ABLIM1: variants seen among roughly 807,000 people sequenced by gnomAD.
The protein encoded by ABLIM1 is actin binding LIM protein 1, also known as actin-binding LIM protein 1.
ABLIM1 carries 40 observed loss-of-function variants against 107.0 expected under a neutral mutation model. The observed-to-expected ratio is 0.37, with a 90% CI of 0.29 to 0.49. The LOEUF is 0.49. Ranked by LOEUF, ABLIM1 falls within the 20% of genes least tolerant of loss-of-function variation. ABLIM1 has a pLI of 0.97. For missense variants in ABLIM1, 857 were observed against 1,008.5 expected (o/e 0.85, Z 2.04); for synonymous variants, 357 against 357.3 (o/e 1.00, Z 0.01).
intron 1 of ABLIM1, chr10:114,632,512 A>G: frequency 1.0e-6 from 1 of 985,416 alleles, no homozygotes; most frequent in African/African-American, 1.7e-5. Context: ...CAGAATAATG[A>G]TGCTAATGGC....
chr10:114,585,208 T>G (rs771492744), intron 2 of ABLIM1, among the ~76,000 whole-genome samples: 1 of 152,218 alleles, frequency 6.6e-6, no homozygotes, highest in Non-Finnish European at 1.5e-5. Flanking sequence ...ATTTAAATTT[T>G]GGACTCAAAG....
chr10:114,565,016 A>G (rs2138489193), intron 4 of ABLIM1, among the ~76,000 whole-genome samples: 1 of 152,362 alleles, frequency 6.6e-6, no homozygotes, highest in East Asian at 1.9e-4. Flanking sequence ...TGTATAGGCA[A>G]AGAAACAGAG....
intron 6 of ABLIM1, among the ~76,000 whole-genome samples, chr10:114,498,368 T>C (rs528918787): frequency 1.3e-5 from 2 of 152,322 alleles, no homozygotes; most frequent in East Asian, 3.9e-4. Flanking sequence ...GTTTAACCAA[T>C]GATTCCTCCG....
chr10:114,767,824 G>C (rs968238568), intron 1 of ABLIM1, among the ~76,000 whole-genome samples: 1 of 152,164 alleles, frequency 6.6e-6, no homozygotes, highest in African/African-American at 2.4e-5. Context: ...CGCGCGGCGG[G>C]CACAGGTGAG....
intron 1 of ABLIM1, among the ~76,000 whole-genome samples, chr10:114,630,815 T>A (rs2497676): frequency 0.026 from 4,027 of 152,262 alleles, 176 homozygotes; most frequent in African/African-American, 0.091. Context: ...ACAATAAATC[T>A]AAGTGTACTA....
At position 114,723,242 on chromosome 10, in the gene ABLIM1, C is replaced by CAG. The variant is rs554958741; in HGVS notation, c.-213+44817_-213+44818dup. ...AGGAGAGGCCGACTTAGGTGAGGAC[C>CAG]AGAATCTCAATGTGCAGTGGTCAGA... On this transcript the variant is annotated intron_variant, in intron 1 of 15. Coordinates refer to the ABLIM1 transcript ENST00000651092. Among the ~76,000 whole-genome samples the CAG allele has an allele frequency of 1.1e-4, 17 of 152,280 alleles. No individual in the cohort carries two copies. The South Asian group carries it at 3.5e-3, about 32-fold the overall frequency.
intron 1 of ABLIM1, among the ~76,000 whole-genome samples, chr10:114,653,784 G>C (rs545666129): frequency 2.7e-4 from 41 of 152,062 alleles, no homozygotes; most frequent in African/African-American, 8.9e-4. Flanking sequence ...ATATTTTTGC[G>C]GAAGCTATTT....
chr10:114,651,298 G>GT (rs772698672), intron 1 of ABLIM1, among the ~76,000 whole-genome samples: 1 of 152,140 alleles, frequency 6.6e-6, no homozygotes, highest in East Asian at 1.9e-4. Context: ...GAGGACCTCA[G>GT]TGTATGAAAA....
rs552657721 is a variant in ABLIM1, at chr10:114,518,485, A to G, written c.894+26520T>C. 2.5e-3 allele frequency among the ~76,000 whole-genome samples: 382 copies of G among 151,912 alleles called. 3 individuals are homozygous for G. The highest frequency in any genetic ancestry group is 3.8e-3 in the Non-Finnish European group (255 of 67,956). On this transcript the variant is annotated intron_variant, in intron 6 of 22. Coordinates refer to ENST00000533213, the MANE Select transcript of ABLIM1 (RefSeq NM_002313.7). ...ATGGGCTAAAGCAGACCTAGAGACTATGTAAATGAACAGACGTGGTCCTGT... is the reference window on the plus strand; with the variant it reads ...ATGGGCTAAAGCAGACCTAGAGACTGTGTAAATGAACAGACGTGGTCCTGT...
chr10:114,699,808 T>C (rs1044447608), intron 1 of ABLIM1, among the ~76,000 whole-genome samples: 1 of 152,196 alleles, frequency 6.6e-6, no homozygotes, highest in African/African-American at 2.4e-5. Context: ...TTATGTCTGC[T>C]ATAAAAGGGC....
chr10:114,459,564 T>C (rs527541627), intron 12 of ABLIM1, among the ~76,000 whole-genome samples: 1 of 152,358 alleles, frequency 6.6e-6, no homozygotes, highest in Admixed American at 6.5e-5. Flanking sequence ...TATCTTTTTT[T>C]TTTTTTACAC....
chr10:114,453,261 G>A, intron 13 of ABLIM1, 118 bp downstream of exon 13: 1 of 1,074,044 alleles, frequency 9.3e-7, no homozygotes, highest in Non-Finnish European at 1.4e-6. Flanking sequence ...CTGCAATTTA[G>A]GGTTTGTTAA....
upstream of ABLIM1, among the ~76,000 whole-genome samples, chr10:114,768,713 G>C (rs1045886024): frequency 6.6e-6 from 1 of 152,038 alleles, no homozygotes; most frequent in Non-Finnish European, 1.5e-5. Context: ...TCAGCGGGGG[G>C]CGTCAGGGTC....
chr10:114,606,530 A>G (rs11196800), intron 1 of ABLIM1, among the ~76,000 whole-genome samples: 98,211 of 151,974 alleles, frequency 0.65, 32,510 homozygotes, highest in East Asian at 0.88. Context: ...CACCGCACCC[A>G]GCCCAGAGTA....
At chr10:114,777,376 G>C in the ABLIM1 span, among the ~76,000 whole-genome samples, 1 of 151,610 alleles carries the variant, frequency 6.6e-6, no homozygotes, top group Non-Finnish European at 1.5e-5. Flanking sequence ...ATTATTCTTA[G>C]AGTCCTTGTC....
chr10:114,800,065 C>T, the ABLIM1 span, among the ~76,000 whole-genome samples: 2 of 152,154 alleles, frequency 1.3e-5, no homozygotes, highest in African/African-American at 4.8e-5. Context: ...TGTGAGTCAC[C>T]GCAGCCAGCC....
rs555488940 is a variant in ABLIM1, at chr10:114,465,732, G to C, written c.1407C>G (p.Thr469=). ...PVYSRHSYTP[T]TSRSPQHFHR... ...GGAAATGCTGGGGAGAGCGGGACGT[G>C]GTTGGAGTGTAGCTGTGGCGGCTGT... is the stretch of plus-strand genomic sequence containing the variant. Residue 469 remains threonine (T), a synonymous_variant, in exon 12 of 23, where the codon ACC becomes ACG. Transcript: ENST00000533213. 6.2e-7 allele frequency: 1 copy of C among 1,614,158 alleles called. No individual in the cohort carries two copies. The highest frequency in any genetic ancestry group is 2.2e-5 in the East Asian group (1 of 44,882).
At chr10:114,709,760 A>T (rs2081507208) in intron 1 of ABLIM1, among the ~76,000 whole-genome samples, 1 of 152,260 alleles carries the variant, frequency 6.6e-6, no homozygotes, top group Admixed American at 6.5e-5. Context: ...GAACATGTTT[A>T]TTAATCAGCT....
At chr10:114,442,512 G>C (rs1256481390) in intron 17 of ABLIM1, among the ~76,000 whole-genome samples, 1 of 152,210 alleles carries the variant, frequency 6.6e-6, no homozygotes, top group East Asian at 1.9e-4. Context: ...TTCTTATAGA[G>C]CAGAATCTCA....
Sources: allele counts gnomAD v4.1 joint callset (sites outside exome capture counted in the v4.1 genomes callset), GRCh38; gene constraint gnomAD v4.1.1; transcripts MANE v1.5; gene names NCBI Gene and HGNC (gene_info 2026-07-23, HGNC 2026-07-21).